Variants in RSU1 observed in about 807,000 individuals in gnomAD.
The protein encoded by RSU1 is rsu-1.
Under a neutral mutation model 31.1 loss-of-function variants are expected in RSU1, and 26 were observed. The ratio of observed to expected loss-of-function variants is 0.84; its 90% confidence interval spans 0.61 to 1.16. RSU1 has a LOEUF of 1.16. Among genes scored for constraint, RSU1 ranks in the 50% most tolerant of loss-of-function variants. The pLI is 0.00. For missense variants in RSU1, 320 were observed against 339.1 expected, an observed-to-expected ratio of 0.94 and a Z score of 0.44; for synonymous variants, 164 against 136.3, an observed-to-expected ratio of 1.20 and a Z score of -1.41.
chr10:16,799,523 A>ACAG (rs1838106298), intron 2 of RSU1, among the ~76,000 whole-genome samples: 1 of 151,794 alleles, frequency 6.6e-6, no homozygotes, highest in South Asian at 2.1e-4. Context: ...AACAACAACA[A>ACAG]CAAAAACAAC....
intron 3 of RSU1, among the ~76,000 whole-genome samples, chr10:16,764,723 T>C (rs1394094368): frequency 1.3e-5 from 2 of 152,190 alleles, no homozygotes; most frequent in Non-Finnish European, 2.9e-5. Context: ...CATATATGGT[T>C]AGCTAAGTGC....
chr10:16,668,114 G>T (rs1449789802), intron 8 of RSU1, among the ~76,000 whole-genome samples: 1 of 152,186 alleles, frequency 6.6e-6, no homozygotes, highest in Non-Finnish European at 1.5e-5. Flanking sequence ...GTAACCTTGA[G>T]CAAGTTACTT....
At chr10:16,804,485 A>T (rs1028828787) in intron 2 of RSU1, among the ~76,000 whole-genome samples, 20 of 152,210 alleles carry the variant, frequency 1.3e-4, no homozygotes, top group African/African-American at 4.8e-4. Context: ...GATGTGCTGA[A>T]ATCTTCTGTC....
intron 7 of RSU1, among the ~76,000 whole-genome samples, chr10:16,737,554 A>G (rs997472133): frequency 1.3e-5 from 2 of 152,116 alleles, no homozygotes; most frequent in African/African-American, 4.8e-5. Context: ...CAGATAAACA[A>G]AAGCTAATTA....
At chr10:16,715,055 G>C (rs1479635177) in intron 7 of RSU1, among the ~76,000 whole-genome samples, 1 of 152,202 alleles carries the variant, frequency 6.6e-6, no homozygotes, top group African/African-American at 2.4e-5. Context: ...CTGTGGCAGA[G>C]GCAGGATGCC....
intron 3 of RSU1, chr10:16,767,300 C>T (rs1837332629): frequency 6.6e-6 from 1 of 152,238 alleles, no homozygotes; most frequent in African/African-American, 2.4e-5. Context: ...GCCAGAATTA[C>T]TGCCGTCTTC....
At chr10:16,754,452 T>A in intron 5 of RSU1, among the ~76,000 whole-genome samples, 1 of 152,162 alleles carries the variant, frequency 6.6e-6, no homozygotes, top group Non-Finnish European at 1.5e-5. Context: ...TAAAATTGTG[T>A]TACTGGTTTA....
intron 3 of RSU1, among the ~76,000 whole-genome samples, chr10:16,770,508 A>G (rs958554362): frequency 6.6e-6 from 1 of 151,880 alleles, no homozygotes. Context: ...TCTCCACCAA[A>G]CTTCTGGGGA....
At chr10:16,753,642 G>C (rs552433431) in intron 5 of RSU1, among the ~76,000 whole-genome samples, 2 of 152,300 alleles carry the variant, frequency 1.3e-5, no homozygotes, top group African/African-American at 4.8e-5. Flanking sequence ...AATATCAGTA[G>C]TCAGAAATTT....
chr10:16,816,947 C>G, intron 2 of RSU1, 26 bp downstream of exon 2: 1 of 1,515,256 alleles, frequency 6.6e-7, no homozygotes, highest in South Asian at 1.1e-5. Context: ...AGCTCATCCA[C>G]GGGAGAGTCC....
Position 16,591,212 on chromosome 10 carries a change from G to GT in RSU1, c.*2181dup. On this transcript the variant is annotated 3_prime_UTR_variant, in exon 9 of 9. Coordinates refer to ENST00000345264, the MANE Select transcript of RSU1 (RefSeq NM_012425.4). ...CAGGCATGAGCCACTGTGCCTGGCC[G>GT]TTGTTCAACAATTTTTAATGTCATA... 1 of 152,168 alleles carries GT rather than the reference G, an allele frequency of 6.6e-6. No homozygotes were observed. The highest frequency in any genetic ancestry group is 1.5e-5 in the Non-Finnish European group (1 of 68,050). 9.4% of individuals were successfully genotyped at this position (152,168 alleles called of 1,614,324 possible).
chr10:16,638,507 C>T (rs759927724), intron 8 of RSU1, among the ~76,000 whole-genome samples: 18 of 152,088 alleles, frequency 1.2e-4, no homozygotes, highest in Non-Finnish European at 2.4e-4. Context: ...AGTCAATCAC[C>T]GAGTGTTAGT....
chr10:16,634,007 C>T (rs1834302718), intron 8 of RSU1, among the ~76,000 whole-genome samples: 1 of 152,230 alleles, frequency 6.6e-6, no homozygotes, highest in African/African-American at 2.4e-5. Flanking sequence ...CGATCTCACA[C>T]TGACGTTCAA....
chr10:16,683,217 C>G (rs542886366), intron 8 of RSU1, among the ~76,000 whole-genome samples: 4 of 122,698 alleles, frequency 3.3e-5, no homozygotes, highest in African/African-American at 1.2e-4. Context: ...ACTTGGAGAG[C>G]CATTTAAACA....
chr10:16,770,866 G>A (rs1837411461), intron 3 of RSU1, among the ~76,000 whole-genome samples: 1 of 151,626 alleles, frequency 6.6e-6, no homozygotes. Flanking sequence ...CAATCCTTGG[G>A]CCAAAGAGTC....
intron 8 of RSU1, among the ~76,000 whole-genome samples, chr10:16,645,077 T>C (rs1834511218): frequency 6.6e-6 from 1 of 152,206 alleles, no homozygotes; most frequent in African/African-American, 2.4e-5. Context: ...AGTTTCAAGA[T>C]ACAAATATAT....
At chr10:16,667,674 G>C (rs1012266392) in intron 8 of RSU1, among the ~76,000 whole-genome samples, 10 of 152,076 alleles carry the variant, frequency 6.6e-5, no homozygotes, top group Admixed American at 3.9e-4. Flanking sequence ...TTTTAGTAGA[G>C]ACAGCGTTTT....
At chr10:16,649,639 C>T (rs1343568385) in intron 8 of RSU1, among the ~76,000 whole-genome samples, 1 of 152,042 alleles carries the variant, frequency 6.6e-6, no homozygotes, top group Non-Finnish European at 1.5e-5. Flanking sequence ...TTTATAGGCA[C>T]GTGATTTTTC....
At chr10:16,731,051 T>C (rs1301510746) in intron 7 of RSU1, among the ~76,000 whole-genome samples, 3 of 152,264 alleles carry the variant, frequency 2.0e-5, no homozygotes, top group East Asian at 1.9e-4. Flanking sequence ...CTAGAACTCC[T>C]GATGCACCTG....
Sources: gnomAD v4.1 joint callset for allele counts (sites outside exome capture counted in the v4.1 genomes callset) on GRCh38, gnomAD v4.1.1 for gene constraint, MANE v1.5 for transcripts, NCBI Gene and HGNC (gene_info 2026-07-23, HGNC 2026-07-21) for gene names.